The following TTC27 variants were observed in gnomAD, a reference collection of about 807,000 sequenced individuals.
TTC27 encodes the protein tetratricopeptide repeat domain 27.
Under a neutral mutation model 115.9 loss-of-function variants are expected in TTC27, and 79 were observed. That is an observed-to-expected ratio of 0.68 (90% CI 0.57 to 0.82). TTC27 has a LOEUF of 0.82. Among genes scored for constraint, TTC27 ranks in the 40% least tolerant of loss-of-function variants. TTC27 has a pLI of 0.00. For synonymous variants in TTC27, 401 were observed against 356.0 expected (o/e 1.13, Z -1.42); for missense variants, 1,054 against 993.1 (o/e 1.06, Z -0.82).
intron 7 of TTC27, among the ~76,000 whole-genome samples, chr2:32,670,448 T>A (rs1665970935): frequency 6.6e-6 from 1 of 152,166 alleles, no homozygotes; most frequent in Admixed American, 6.6e-5. Flanking sequence ...AATGGAATCA[T>A]ACAGTGTATA....
rs1194760760 is a variant in TTC27 at position 32,787,210 on chromosome 2, T to C, written c.1998+61T>C. 6 of 1,523,980 alleles carry C rather than the reference T, an allele frequency of 3.9e-6. No individual in the cohort carries two copies. The African/African-American group carries it at 8.4e-5, about 21-fold the overall frequency. 94.4% of individuals were successfully genotyped at this position (1,523,980 alleles called of 1,614,324 possible). On this transcript the variant is annotated intron_variant, in intron 16 of 19. Transcript: ENST00000317907. The stretch of plus-strand genomic sequence containing the variant: ...TTGATACTAATCCTTGATCATATGG[T>C]ATAAATTATTTCCTTGAATATGCAC...
chr2:32,656,301 T>C (rs1665313515), intron 5 of TTC27, among the ~76,000 whole-genome samples: 1 of 152,064 alleles, frequency 6.6e-6, no homozygotes, highest in South Asian at 2.1e-4. Flanking sequence ...GAGTAAGGAA[T>C]GAGGGAGAGA....
chr2:32,635,838 C>G (rs1163832002), intron 3 of TTC27, among the ~76,000 whole-genome samples: 2 of 152,128 alleles, frequency 1.3e-5, no homozygotes, highest in African/African-American at 2.4e-5. Flanking sequence ...CTTTGCATAT[C>G]AGCTTAGTGA....
chr2:32,684,263 T>G (rs1282792519), intron 9 of TTC27, among the ~76,000 whole-genome samples: 1 of 152,166 alleles, frequency 6.6e-6, no homozygotes, highest in Non-Finnish European at 1.5e-5. Flanking sequence ...CTCATCATTT[T>G]TTATGGCTGC....
chr2:32,783,721 G>A (rs1387538582), intron 15 of TTC27, among the ~76,000 whole-genome samples: 1 of 152,242 alleles, frequency 6.6e-6, no homozygotes, highest in Non-Finnish European at 1.5e-5. Context: ...AAAAGAAGGG[G>A]CAGATGCCAA....
chr2:32,737,848 A>G (rs776431275), intron 12 of TTC27, among the ~76,000 whole-genome samples: 1 of 152,050 alleles, frequency 6.6e-6, no homozygotes, highest in African/African-American at 2.4e-5. Context: ...ACAAAAAAAC[A>G]AAATTAAAAA....
intron 10 of TTC27, among the ~76,000 whole-genome samples, chr2:32,728,181 C>T (rs184320745): frequency 6.6e-6 from 1 of 152,056 alleles, no homozygotes; most frequent in East Asian, 1.9e-4. Flanking sequence ...CCTGGGACTG[C>T]AGGTGCCCAC....
intron 9 of TTC27, 80 bp from the exon 10 acceptor site, chr2:32,702,727 A>G (rs1356244543): frequency 3.3e-6 from 3 of 898,492 alleles, no homozygotes; most frequent in African/African-American, 3.4e-5. Context: ...ATATTTTGGA[A>G]GAATTAATTT....
At chr2:32,676,059 T>C (rs554182372) in intron 8 of TTC27, among the ~76,000 whole-genome samples, 104 of 152,232 alleles carry the variant, frequency 6.8e-4, no homozygotes, top group African/African-American at 2.4e-3. Context: ...CCCAAAGTGC[T>C]GGGATTACAG....
At chr2:32,657,221 G>A (rs1427045968) in intron 5 of TTC27, among the ~76,000 whole-genome samples, 1 of 151,944 alleles carries the variant, frequency 6.6e-6, no homozygotes, top group Non-Finnish European at 1.5e-5. Context: ...TCCTGACCTC[G>A]TGGTCTGCCC....
chr2:32,806,626 GA>G (rs1379025856), intron 16 of TTC27, among the ~76,000 whole-genome samples: 1 of 151,776 alleles, frequency 6.6e-6, no homozygotes, highest in African/African-American at 2.4e-5. Flanking sequence ...TAAAAATACA[GA>G]AAAAATTAGC....
chr2:32,696,209 GA>G (rs1265083352), intron 9 of TTC27, among the ~76,000 whole-genome samples: 7 of 151,790 alleles, frequency 4.6e-5, no homozygotes, highest in South Asian at 2.1e-4. Flanking sequence ...GTGTATATCA[GA>G]ATGCTATTCC....
intron 13 of TTC27, among the ~76,000 whole-genome samples, chr2:32,770,959 C>T (rs75526983): frequency 0.066 from 10,001 of 152,054 alleles, 654 homozygotes; most frequent in African/African-American, 0.17. Context: ...TTTTATTTTT[C>T]CCTTCTAATA....
chr2:32,662,387 C>A (rs892585077), intron 5 of TTC27, among the ~76,000 whole-genome samples: 2 of 152,158 alleles, frequency 1.3e-5, no homozygotes, highest in African/African-American at 2.4e-5. Context: ...GGCTGTGAAT[C>A]TGTCTGGTCC....
intron 12 of TTC27, among the ~76,000 whole-genome samples, chr2:32,742,488 A>G (rs1447387929): frequency 6.6e-6 from 1 of 152,242 alleles, no homozygotes; most frequent in Non-Finnish European, 1.5e-5. Context: ...GTGAAAAACA[A>G]TTAGTGAACA....
chr2:32,765,415 ACCG>A (rs1669592546), intron 13 of TTC27, among the ~76,000 whole-genome samples: 1 of 151,230 alleles, frequency 6.6e-6, no homozygotes, highest in African/African-American at 2.4e-5. Context: ...TATTCAGTAA[ACCG>A]TGCTGTAAAC....
At chr2:32,661,310 TC>T (rs1665538820) in intron 5 of TTC27, among the ~76,000 whole-genome samples, 2 of 152,202 alleles carry the variant, frequency 1.3e-5, no homozygotes, top group African/African-American at 4.8e-5. Context: ...GTGAAGAAAG[TC>T]AATGGTAGCT....
intron 9 of TTC27, among the ~76,000 whole-genome samples, chr2:32,680,830 C>T (rs1051965520): frequency 7.2e-5 from 11 of 152,168 alleles, no homozygotes; most frequent in Non-Finnish European, 1.6e-4. Context: ...GACACTAGCA[C>T]ACTCTTTTTA....
chr2:32,771,411 A>C (rs1669826773), intron 13 of TTC27, among the ~76,000 whole-genome samples: 1 of 152,236 alleles, frequency 6.6e-6, no homozygotes, highest in South Asian at 2.1e-4. Context: ...GATGACATAT[A>C]AACACCTGTG....
Sources: allele counts gnomAD v4.1 joint callset (sites outside exome capture counted in the v4.1 genomes callset), GRCh38; gene constraint gnomAD v4.1.1; transcripts MANE v1.5; gene names NCBI Gene and HGNC (gene_info 2026-07-23, HGNC 2026-07-21).